Variants in SENP7 observed in about 807,000 individuals in gnomAD.
The protein encoded by SENP7 is SUMO specific peptidase 7.
A neutral mutation model predicts 141.2 loss-of-function variants in SENP7; 64 were observed. The observed-to-expected ratio is 0.45, with a 90% confidence interval of 0.37 to 0.56. The LOEUF (loss-of-function observed/expected upper bound fraction) is 0.56. SENP7 is among the 20% of genes least tolerant of loss of function. SENP7 has a pLI of 0.00. For missense variants in SENP7, 1,025 were observed against 1,212.2 expected (o/e 0.85, Z 2.29); for synonymous variants, 382 against 426.4 (o/e 0.90, Z 1.28).
intron 17 of SENP7, among the ~76,000 whole-genome samples, chr3:101,333,621 A>G (rs1378217483): frequency 1.3e-5 from 2 of 152,198 alleles, no homozygotes. Context: ...AATAAAATTC[A>G]TCTCCCTTCC....
intron 10 of SENP7, among the ~76,000 whole-genome samples, chr3:101,364,310 A>C (rs2059980390): frequency 6.6e-6 from 1 of 152,166 alleles, no homozygotes; most frequent in Non-Finnish European, 1.5e-5. Context: ...TCTTCAAAGG[A>C]CTGAATTAAT....
At chr3:101,382,159 T>C (rs759145815) in intron 6 of SENP7, among the ~76,000 whole-genome samples, 25 of 152,168 alleles carry the variant, frequency 1.6e-4, no homozygotes, top group Admixed American at 7.2e-4. Flanking sequence ...TAAAACATAA[T>C]TTTATGAAAT....
At chr3:101,461,256 A>T (rs2107894202) in intron 3 of SENP7, among the ~76,000 whole-genome samples, 1 of 152,298 alleles carries the variant, frequency 6.6e-6, no homozygotes, top group African/African-American at 2.4e-5. Context: ...CAAGAACAAA[A>T]AAAGAAAAAT....
chr3:101,462,035 A>C (rs961795748), intron 3 of SENP7, among the ~76,000 whole-genome samples: 2 of 152,228 alleles, frequency 1.3e-5, no homozygotes, highest in African/African-American at 4.8e-5. Context: ...TAAATTAAGA[A>C]GTGAATGCTT....
rs184248369 is a variant in SENP7, at chr3:101,510,551, G to T, written c.40+2540C>A. On this transcript the variant is annotated intron_variant, in intron 1 of 23. Transcript: ENST00000394095. Reference sequence around the variant, plus strand: ...TTCTGCATACTTAGGAAACTTTGATGACTATAAATGTCACTTCATGGCCGG... The same window carrying T: ...TTCTGCATACTTAGGAAACTTTGATTACTATAAATGTCACTTCATGGCCGG... Among the ~76,000 whole-genome samples, 183 of 152,150 alleles carry T rather than the reference G, an allele frequency of 1.2e-3. No homozygotes were observed. The Middle Eastern group carries it at 0.014, about 11-fold the overall frequency.
chr3:101,421,977 G>A (rs543314897), intron 4 of SENP7, among the ~76,000 whole-genome samples: 2 of 152,192 alleles, frequency 1.3e-5, no homozygotes, highest in African/African-American at 4.8e-5. Context: ...TTAAAGCAGG[G>A]GTCCCCAGCC....
At chr3:101,451,528 G>A (rs1227267784) in intron 4 of SENP7, among the ~76,000 whole-genome samples, 2 of 152,196 alleles carry the variant, frequency 1.3e-5, no homozygotes, top group Non-Finnish European at 2.9e-5. Flanking sequence ...GATCAAGTGG[G>A]CTTCATCCCT....
chr3:101,329,916 T>C (rs1480072407), intron 20 of SENP7, among the ~76,000 whole-genome samples: 16 of 148,062 alleles, frequency 1.1e-4, no homozygotes, highest in Admixed American at 3.4e-4. Flanking sequence ...GATTGTACCA[T>C]TGCACTCCAG....
chr3:101,347,787 T>C, intron 13 of SENP7, 85 bp downstream of exon 13: 1 of 594,382 alleles, frequency 1.7e-6, no homozygotes, highest in Non-Finnish European at 2.7e-6. Context: ...TTCACTGAAA[T>C]AACATTCTAT....
chr3:101,489,960 G>A (rs752660617), intron 3 of SENP7, among the ~76,000 whole-genome samples: 2 of 152,154 alleles, frequency 1.3e-5, no homozygotes, highest in Admixed American at 6.5e-5. Flanking sequence ...CAAGGCAGGC[G>A]GATCACCTGA....
At chr3:101,339,753 T>C (rs546634200) in intron 16 of SENP7, among the ~76,000 whole-genome samples, 95 of 151,614 alleles carry the variant, frequency 6.3e-4, no homozygotes, top group African/African-American at 2.1e-3. Flanking sequence ...GATATCTCAA[T>C]AGAGCTGCTG....
chr3:101,332,691 T>G, intron 18 of SENP7, 79 bp downstream of exon 18: 1 of 886,234 alleles, frequency 1.1e-6, no homozygotes, highest in Admixed American at 3.2e-5. Flanking sequence ...TAATTTTTAC[T>G]GATTATGAAT....
intron 5 of SENP7, chr3:101,414,151 T>C: frequency 3.9e-6 from 2 of 511,882 alleles, no homozygotes; most frequent in South Asian, 5.5e-5. Context: ...AACAGATCCT[T>C]TAAAAGACAG....
At chr3:101,389,504 A>C (rs2060751739) in intron 6 of SENP7, among the ~76,000 whole-genome samples, 1 of 152,166 alleles carries the variant, frequency 6.6e-6, no homozygotes, top group African/African-American at 2.4e-5. Flanking sequence ...ATATATTCAA[A>C]GTACTAAAAG....
At chr3:101,496,578 C>CTTT (rs368850019) in intron 2 of SENP7, among the ~76,000 whole-genome samples, 6 of 133,266 alleles carry the variant, frequency 4.5e-5, no homozygotes, top group South Asian at 2.4e-4. Flanking sequence ...ACTTCAAACA[C>CTTT]TTTTTTTTTT....
At chr3:101,420,470 C>T (rs971080081) in intron 4 of SENP7, among the ~76,000 whole-genome samples, 2 of 152,198 alleles carry the variant, frequency 1.3e-5, no homozygotes, top group East Asian at 1.9e-4. Flanking sequence ...AAGAAACACA[C>T]GTTGTCTTAC....
chr3:101,374,679 G>A (rs1339469327), intron 6 of SENP7, among the ~76,000 whole-genome samples: 1 of 151,228 alleles, frequency 6.6e-6, no homozygotes, highest in African/African-American at 2.4e-5. Context: ...TCAGGAAGCT[G>A]AGGGGAGAAT....
intron 3 of SENP7, among the ~76,000 whole-genome samples, chr3:101,464,229 G>T (rs2063684561): frequency 6.6e-6 from 1 of 152,126 alleles, no homozygotes; most frequent in African/African-American, 2.4e-5. Context: ...AATTAAAAAA[G>T]AAACAAATGG....
rs371873159 is a variant in SENP7, at chr3:101,513,143, C to T, written c.-13G>A. The T allele has an allele frequency of 5.5e-5, 85 of 1,539,746 alleles. No individual in the cohort carries two copies. The Middle Eastern group carries it at 7.1e-4, about 13-fold the overall frequency. On this transcript the variant is annotated 5_prime_UTR_variant, in exon 1 of 24. Transcript: ENST00000394095. The stretch of plus-strand genomic sequence containing the variant: ...TTCTCTTGTCCATCTTCTCCCGCTG[C>T]TGAAATTTCAGTTGCAGGCGCTGTC...
Sources: allele counts gnomAD v4.1 joint callset (sites outside exome capture counted in the v4.1 genomes callset), GRCh38; gene constraint gnomAD v4.1.1; transcripts MANE v1.5; gene names NCBI Gene and HGNC (gene_info 2026-07-23, HGNC 2026-07-21).